The following AKAP19 variants were observed in gnomAD, a reference collection of about 807,000 sequenced individuals.
AKAP19 encodes the protein A-kinase anchoring protein 19, also known as small A-kinase anchoring protein.
chr2:189,998,584 T>C, the AKAP19 span, among the ~76,000 whole-genome samples: 2 of 152,128 alleles, frequency 1.3e-5, no homozygotes, highest in African/African-American at 4.8e-5. Context: ...ATCCTTTTAA[T>C]TTCTCTAGGG....
the AKAP19 span, among the ~76,000 whole-genome samples, chr2:190,152,662 G>A: frequency 2.0e-4 from 31 of 152,028 alleles, no homozygotes; most frequent in Admixed American, 1.4e-3. Context: ...TCTAGTTCCA[G>A]GAAAGAAAAT....
the AKAP19 span, among the ~76,000 whole-genome samples, chr2:190,081,024 T>C: frequency 6.6e-6 from 1 of 152,152 alleles, no homozygotes; most frequent in Non-Finnish European, 1.5e-5. Context: ...TAAAGGAAAC[T>C]AAAACTATTT....
chr2:189,932,635 C>T, the AKAP19 span, among the ~76,000 whole-genome samples: 2 of 149,690 alleles, frequency 1.3e-5, no homozygotes, highest in Non-Finnish European at 3.0e-5. Flanking sequence ...AACCTGGGGA[C>T]GTCGAGGCTG....
the AKAP19 span, among the ~76,000 whole-genome samples, chr2:189,914,776 G>T: frequency 3.3e-5 from 5 of 151,932 alleles, no homozygotes; most frequent in East Asian, 9.6e-4. Context: ...ATTGTGTGAG[G>T]CACTTTATTA....
chr2:189,973,052 T>C, the AKAP19 span, among the ~76,000 whole-genome samples: 1 of 152,356 alleles, frequency 6.6e-6, no homozygotes, highest in East Asian at 1.9e-4. Flanking sequence ...GGCATCCCTG[T>C]CTTGTGCTAG....
chr2:190,104,895 A>T, the AKAP19 span, among the ~76,000 whole-genome samples: 25,814 of 152,204 alleles, frequency 0.17, 2,295 homozygotes, highest in Admixed American at 0.22. Flanking sequence ...AATGCCCCAC[A>T]TCACTAATCA....
chr2:189,972,107 G>C, the AKAP19 span, among the ~76,000 whole-genome samples: 3 of 152,052 alleles, frequency 2.0e-5, no homozygotes, highest in Non-Finnish European at 4.4e-5. Context: ...GGGTTTTTAT[G>C]GTTTTATGTC....
the AKAP19 span, among the ~76,000 whole-genome samples, chr2:189,902,827 A>C: frequency 6.6e-6 from 1 of 151,642 alleles, no homozygotes; most frequent in Non-Finnish European, 1.5e-5. Flanking sequence ...AGAAATAAGG[A>C]AGGTTATCGG....
chr2:190,128,052 G>A, the AKAP19 span, among the ~76,000 whole-genome samples: 1 of 152,268 alleles, frequency 6.6e-6, no homozygotes, highest in East Asian at 1.9e-4. Flanking sequence ...GGCACTCAGA[G>A]GGGAAAAATG....
the AKAP19 span, among the ~76,000 whole-genome samples, chr2:190,184,956 C>T: frequency 6.6e-6 from 1 of 152,162 alleles, no homozygotes; most frequent in South Asian, 2.1e-4. Context: ...TACAGTAACT[C>T]TTTAGGTAAA....
the AKAP19 span, among the ~76,000 whole-genome samples, chr2:190,006,793 C>A: frequency 6.6e-6 from 1 of 151,908 alleles, no homozygotes; most frequent in Non-Finnish European, 1.5e-5. Context: ...CCGAGGTAGG[C>A]AGATCACGAG....
At chr2:190,199,632 G>T in the AKAP19 span, 4 of 989,170 alleles carry the variant, frequency 4.0e-6, no homozygotes, top group East Asian at 9.0e-5. Flanking sequence ...ATTTTTACAT[G>T]CCACTCAATC....
chr2:190,062,521 T>C, the AKAP19 span: 2 of 1,613,426 alleles, frequency 1.2e-6, no homozygotes, highest in East Asian at 4.5e-5. Flanking sequence ...TGCTCACTGT[T>C]CTCATTTAGA....
chr2:190,079,876 TGTGTGTGTGTGTGTGAGAGA>T, the AKAP19 span: 6 of 136,236 alleles, frequency 4.4e-5, no homozygotes, highest in Admixed American at 1.5e-4. Context: ...TGTGTGTGTG[TGTGTGTGTGTGTGTGAGAGA>T]GAGAGAGAGA....
the AKAP19 span, chr2:190,056,373 A>G: frequency 8.5e-5 from 13 of 152,596 alleles, no homozygotes; most frequent in African/African-American, 3.1e-4. Context: ...TTATTTTACC[A>G]TAAAAACTGC....
the AKAP19 span, among the ~76,000 whole-genome samples, chr2:190,036,248 C>A: frequency 1.3e-5 from 2 of 152,162 alleles, no homozygotes; most frequent in African/African-American, 4.8e-5. Context: ...CTTGGATAGA[C>A]TACAGTATAG....
At chr2:190,124,169 C>T in the AKAP19 span, among the ~76,000 whole-genome samples, 1 of 152,198 alleles carries the variant, frequency 6.6e-6, no homozygotes, top group African/African-American at 2.4e-5. Flanking sequence ...TTCTCAACCA[C>T]CATAATAGTG....
chr2:190,015,506 C>T, the AKAP19 span, among the ~76,000 whole-genome samples: 1 of 152,242 alleles, frequency 6.6e-6, no homozygotes, highest in African/African-American at 2.4e-5. Flanking sequence ...CTGTAGGCCT[C>T]TGGGCCTGTG....
chr2:190,115,878 G>A, the AKAP19 span, among the ~76,000 whole-genome samples: 1 of 152,134 alleles, frequency 6.6e-6, no homozygotes, highest in Non-Finnish European at 1.5e-5. Context: ...ACATGGCTAC[G>A]CCCAGTTGAT....
Sources: gnomAD v4.1 joint callset for allele counts (sites outside exome capture counted in the v4.1 genomes callset) on GRCh38, gnomAD v4.1.1 for gene constraint, MANE v1.5 for transcripts, NCBI Gene and HGNC (gene_info 2026-07-23, HGNC 2026-07-21) for gene names.